CAMTA1: variants seen among roughly 807,000 people sequenced by gnomAD.
CAMTA1 encodes calmodulin-binding transcription activator 1.
A neutral mutation model predicts 170.9 loss-of-function variants in CAMTA1; 27 were observed. The observed-to-expected ratio is 0.16, with a 90% CI of 0.12 to 0.22. CAMTA1 has a LOEUF of 0.22. CAMTA1 is among the 10% of genes least tolerant of loss of function. The pLI is 1.00. For missense variants in CAMTA1, 1,619 were observed against 2,217.2 expected, an observed-to-expected ratio of 0.73 and a Z score of 5.42; for synonymous variants, 833 against 891.5, an observed-to-expected ratio of 0.93 and a Z score of 1.17.
At chr1:6,789,592 G>A (rs1640436519) in intron 1 of CAMTA1, among the ~76,000 whole-genome samples, 1 of 152,004 alleles carries the variant, frequency 6.6e-6, no homozygotes, top group Admixed American at 6.5e-5. Context: ...TCCCCTCATA[G>A]TTGTGTCAGT....
chr1:7,424,452 G>A (rs769623219), intron 5 of CAMTA1, among the ~76,000 whole-genome samples: 48 of 151,694 alleles, frequency 3.2e-4, no homozygotes, highest in Non-Finnish European at 5.4e-4. Flanking sequence ...GGGAGGATGA[G>A]GGGGGGTGGG....
At chr1:7,699,841 A>G (rs1417050171) in intron 11 of CAMTA1, among the ~76,000 whole-genome samples, 2 of 152,186 alleles carry the variant, frequency 1.3e-5, no homozygotes, top group African/African-American at 2.4e-5. Flanking sequence ...AGAAATGTCT[A>G]TTCAGATACT....
At chr1:7,734,696 T>C (rs1383521300) in intron 12 of CAMTA1, among the ~76,000 whole-genome samples, 4 of 152,212 alleles carry the variant, frequency 2.6e-5, no homozygotes, top group Non-Finnish European at 5.9e-5. Flanking sequence ...TAGGTGTTTT[T>C]ACAGCTTTGA....
At chr1:7,605,175 G>A (rs1380127770) in intron 6 of CAMTA1, among the ~76,000 whole-genome samples, 1 of 152,218 alleles carries the variant, frequency 6.6e-6, no homozygotes, top group Non-Finnish European at 1.5e-5. Context: ...CCGATCTCCA[G>A]CTGCATGATG....
rs1370544306 is a variant in CAMTA1 at position 7,664,080 on chromosome 1, C to A, written c.1533C>A (p.Asn511Lys). The A allele has an allele frequency of 5.0e-6, 8 of 1,613,666 alleles. No homozygotes were observed. Among genetic ancestry groups the A allele is most frequent in the Non-Finnish European group, 8.5e-7 (1 of 1,180,046 alleles). Residue 511 changes from asparagine (N) to lysine (K), a missense_variant, in exon 9 of 23, where the codon AAC becomes AAA. By Grantham distance (94) the Asn-to-Lys change is moderately conservative. Coordinates refer to ENST00000303635, the MANE Select transcript of CAMTA1 (RefSeq NM_015215.4). ...TGAAAGCCGAGATGGTCAGCTCCAA[C>A]ATCCGGCACTCGCCACCCGGGGAGC... ...GGLKAEMVSS[N>K]IRHSPPGERS...
At chr1:7,150,872 C>T (rs188672584) in intron 4 of CAMTA1, among the ~76,000 whole-genome samples, 8 of 152,324 alleles carry the variant, frequency 5.3e-5, no homozygotes, top group East Asian at 3.9e-4. Context: ...GTGCCGCAGA[C>T]GGACTCAGAA....
chr1:6,922,356 G>T lies in CAMTA1; in HGVS notation c.234+97146G>T, dbSNP rs369119278. 5.5e-4 allele frequency among the ~76,000 whole-genome samples: 83 copies of T among 151,776 alleles called. 1 individual carries two copies. The East Asian group carries it at 0.013, about 24-fold the overall frequency. On this transcript the variant is annotated intron_variant, in intron 3 of 22. Transcript: ENST00000303635. ...CCTGACTCAGCAGTGTGAAACAACA[G>T]TCATTTATTATTATCACCTCTCTTG...
rs1165593481 is a variant in CAMTA1 at position 7,767,408 on chromosome 1, T to G, written c.*917T>G. On this transcript the variant is annotated 3_prime_UTR_variant, in exon 23 of 23. Transcript: ENST00000303635. ...ATTCTAAGGAATCATGAACCTTGCC[T>G]GGACATTTGCCACCTAAACGATCAG... 1 of 152,792 alleles carries G rather than the reference T, an allele frequency of 6.5e-6. No homozygotes were observed. The highest frequency in any genetic ancestry group is 1.5e-5 in the Non-Finnish European group (1 of 68,036). The allele number at this position is 152,792 out of a possible 1,614,324, so 9.5% of individuals were successfully genotyped here. A position where few individuals can be genotyped will look rare whatever the true frequency, so the allele number is the denominator to read the frequency against.
chr1:7,091,007 C>T (rs1162365127), intron 3 of CAMTA1, among the ~76,000 whole-genome samples: 1 of 152,144 alleles, frequency 6.6e-6, no homozygotes, highest in African/African-American at 2.4e-5. Context: ...AAATTAATGA[C>T]ATTTAGAATC....
chr1:7,651,119 C>A (rs1344192721), intron 7 of CAMTA1, among the ~76,000 whole-genome samples: 2 of 152,188 alleles, frequency 1.3e-5, no homozygotes, highest in African/African-American at 4.8e-5. Flanking sequence ...ATACCAGCAC[C>A]TGGACAAATG....
intron 5 of CAMTA1, among the ~76,000 whole-genome samples, chr1:7,250,805 G>T (rs983872251): frequency 2.0e-5 from 3 of 152,154 alleles, no homozygotes; most frequent in African/African-American, 7.2e-5. Flanking sequence ...AGAAATTCCA[G>T]TTCCTGCATT....
At chr1:7,016,007 G>A (rs1700478001) in intron 3 of CAMTA1, among the ~76,000 whole-genome samples, 2 of 152,206 alleles carry the variant, frequency 1.3e-5, no homozygotes, top group African/African-American at 4.8e-5. Flanking sequence ...CTATGATTCA[G>A]TCACCTCCCC....
intron 11 of CAMTA1, among the ~76,000 whole-genome samples, chr1:7,718,109 T>G (rs2096624483): frequency 6.6e-6 from 1 of 151,962 alleles, no homozygotes; most frequent in African/African-American, 2.4e-5. Flanking sequence ...CGTGTTGGGT[T>G]TTTGTAGTCC....
chr1:7,673,454 C>T lies in CAMTA1; in HGVS notation c.2779+2417C>T, dbSNP rs908571831. On this transcript the variant is annotated intron_variant, in intron 10 of 22. Transcript: ENST00000303635. This position sits in a 1 kb window ranked among gnomAD's most constrained non-coding sequence, Gnocchi z 4.6. ...TAAGGAGGCCTTCGCTCTTCCTTTC[C>T]CAAGGGGGAGTTCGGAGAGGGTACC... Among the ~76,000 whole-genome samples, 1 of 152,220 alleles carries T rather than the reference C, an allele frequency of 6.6e-6. No homozygotes were observed. Among genetic ancestry groups the T allele is most frequent in the Non-Finnish European group, 1.5e-5 (1 of 68,038 alleles).
chr1:6,947,169 G>C (rs894185275), intron 3 of CAMTA1, among the ~76,000 whole-genome samples: 8 of 152,174 alleles, frequency 5.3e-5, no homozygotes, highest in African/African-American at 1.4e-4. Context: ...GCAGTGATCT[G>C]TATGTCCACC....
chr1:7,165,629 A>G (rs1648240883), intron 4 of CAMTA1, among the ~76,000 whole-genome samples: 1 of 152,044 alleles, frequency 6.6e-6, no homozygotes, highest in South Asian at 2.1e-4. Context: ...ACGGGGTTTC[A>G]CCATATTGCT....
chr1:7,563,271 A>G (rs770696207), intron 6 of CAMTA1, among the ~76,000 whole-genome samples: 4 of 152,176 alleles, frequency 2.6e-5, no homozygotes, highest in Admixed American at 6.5e-5. Context: ...CGCAGCTGCT[A>G]GAAGCGAACC....
chr1:7,666,934 G>A (rs1278350181), intron 9 of CAMTA1, among the ~76,000 whole-genome samples: 1 of 152,078 alleles, frequency 6.6e-6, no homozygotes, highest in East Asian at 1.9e-4. Flanking sequence ...TTTTGCCCAG[G>A]CTGGAGTGCA....
At chr1:7,623,271 T>TGAATGAATGAATGAATGAATGAGG (rs1553225918) in intron 6 of CAMTA1, among the ~76,000 whole-genome samples, 2 of 149,226 alleles carry the variant, frequency 1.3e-5, no homozygotes, top group Admixed American at 1.3e-4. Flanking sequence ...ATCTGTTGAA[T>TGAATGAATGAATGAATGAATGAGG]GAATGAATGA....
Sources: allele counts gnomAD v4.1 joint callset (sites outside exome capture counted in the v4.1 genomes callset), GRCh38; gene constraint gnomAD v4.1.1; non-coding constraint Gnocchi (gnomAD v3.1); transcripts MANE v1.5; gene names NCBI Gene and HGNC (gene_info 2026-07-23, HGNC 2026-07-21).